The following NTN4 variants were observed in gnomAD, a reference collection of about 807,000 sequenced individuals.
NTN4 encodes netrin 4, also known as netrin-4.
A neutral mutation model predicts 73.6 loss-of-function variants in NTN4; 32 were observed. That is an observed-to-expected ratio of 0.44 (90% CI 0.33 to 0.58). The LOEUF is 0.58. Ranked by LOEUF, NTN4 falls within the 20% of genes least tolerant of loss-of-function variation. NTN4 has a pLI of 0.04. For synonymous variants in NTN4, 258 were observed against 287.5 expected (o/e 0.90, Z 1.04); for missense variants, 654 against 798.3 (o/e 0.82, Z 2.18).
At chr12:95,780,239 G>A (rs1356397308) in intron 2 of NTN4, among the ~76,000 whole-genome samples, 1 of 152,104 alleles carries the variant, frequency 6.6e-6, no homozygotes, top group Non-Finnish European at 1.5e-5. Flanking sequence ...CATAGGCATG[G>A]GAAAGGACTT....
rs1050774949 is a variant in NTN4 at position 95,658,650 on chromosome 12, C to G, written c.*436G>C. The G allele has an allele frequency of 6.5e-6, 1 of 153,576 alleles. No individual in the cohort carries two copies. The allele number at this position is 153,576 out of a possible 1,614,324, so 9.5% of individuals were successfully genotyped here. A position where few individuals can be genotyped will look rare whatever the true frequency, so the allele number is the denominator to read the frequency against. ...CAGACCAAAGTTCATGCGTAACACACAAGAGAAGGCTCTTTAACAAACACC... is the reference window on the plus strand; with the variant it reads ...CAGACCAAAGTTCATGCGTAACACAGAAGAGAAGGCTCTTTAACAAACACC... On this transcript the variant is annotated 3_prime_UTR_variant, in exon 10 of 10. Coordinates refer to ENST00000343702, the MANE Select transcript of NTN4 (RefSeq NM_021229.4).
At chr12:95,715,526 C>G (rs2078599126) in intron 3 of NTN4, among the ~76,000 whole-genome samples, 1 of 152,102 alleles carries the variant, frequency 6.6e-6, no homozygotes, top group African/African-American at 2.4e-5. Context: ...TCATGGCTCT[C>G]TGATATGAAA....
intron 7 of NTN4, among the ~76,000 whole-genome samples, chr12:95,681,752 G>A (rs1489823029): frequency 6.6e-6 from 1 of 152,230 alleles, no homozygotes; most frequent in Non-Finnish European, 1.5e-5. Context: ...AATTGAGTCA[G>A]AGGAAAGAGG....
chr12:95,787,473 G>C lies in NTN4; in HGVS notation c.56-5C>G. The C allele has an allele frequency of 6.2e-7, 1 of 1,612,258 alleles. No homozygotes were observed. The highest frequency in any genetic ancestry group is 1.1e-5 in the South Asian group (1 of 90,778). ...CTCCAGCTACTCCACTCAGTCCTAA[G>C]AAAGGGAAAGCATGCATGATGCAAG... On this transcript the variant is annotated splice_region_variant and splice_polypyrimidine_tract_variant and intron_variant, in intron 1 of 9. Coordinates refer to ENST00000343702, the MANE Select transcript of NTN4 (RefSeq NM_021229.4).
At chr12:95,749,652 C>T (rs918298658) in intron 2 of NTN4, among the ~76,000 whole-genome samples, 3 of 152,226 alleles carry the variant, frequency 2.0e-5, no homozygotes, top group South Asian at 2.1e-4. Flanking sequence ...AGGGACGCCT[C>T]TCTGATTATA....
chr12:95,681,595 T>C (rs1403330207), intron 7 of NTN4, among the ~76,000 whole-genome samples: 1 of 152,208 alleles, frequency 6.6e-6, no homozygotes, highest in Admixed American at 6.5e-5. Flanking sequence ...ACATTTGAGT[T>C]TGTGTTAAGG....
At chr12:95,787,570 T>C (rs2079178942) in intron 1 of NTN4, 102 bp from the exon 2 acceptor site, 2 of 1,162,734 alleles carry the variant, frequency 1.7e-6, no homozygotes, top group Non-Finnish European at 2.4e-6. Flanking sequence ...CCAAAAGCGC[T>C]TGAGACTTTC....
intron 2 of NTN4, among the ~76,000 whole-genome samples, chr12:95,752,127 T>C (rs190343090): frequency 1.4e-3 from 211 of 152,044 alleles, no homozygotes; most frequent in African/African-American, 4.7e-3. Context: ...AAAACCTAAT[T>C]ACCCTTACCC....
intron 2 of NTN4, among the ~76,000 whole-genome samples, chr12:95,773,204 A>G (rs1592716106): frequency 6.6e-6 from 1 of 152,060 alleles, no homozygotes; most frequent in African/African-American, 2.4e-5. Flanking sequence ...GGGTTTCACC[A>G]TGTTGGCCAG....
At chr12:95,782,405 C>T (rs1288182725) in intron 2 of NTN4, among the ~76,000 whole-genome samples, 7 of 151,910 alleles carry the variant, frequency 4.6e-5, no homozygotes, top group Admixed American at 2.0e-4. Flanking sequence ...AAGCAATTCT[C>T]GTGCCTCAGC....
intron 4 of NTN4, among the ~76,000 whole-genome samples, chr12:95,712,787 CTTTTTTTT>C (rs35614636): frequency 7.6e-5 from 8 of 105,714 alleles, no homozygotes; most frequent in Admixed American, 2.2e-4. Context: ...TTCTTTCTTT[CTTTTTTTT>C]TTTTTTTTTT....
At chr12:95,728,832 C>G (rs897291215) in intron 3 of NTN4, among the ~76,000 whole-genome samples, 2 of 152,122 alleles carry the variant, frequency 1.3e-5, no homozygotes, top group Non-Finnish European at 2.9e-5. Context: ...GGCTGTTTCT[C>G]AGGAATGGTT....
intron 5 of NTN4, among the ~76,000 whole-genome samples, chr12:95,687,868 C>G (rs2078373647): frequency 6.6e-6 from 1 of 152,044 alleles, no homozygotes; most frequent in Non-Finnish European, 1.5e-5. Context: ...TGGAATTGAC[C>G]TGGAGGATAT....
At chr12:95,728,514 G>A (rs1213336392) in intron 3 of NTN4, among the ~76,000 whole-genome samples, 1 of 152,150 alleles carries the variant, frequency 6.6e-6, no homozygotes, top group Non-Finnish European at 1.5e-5. Context: ...GTGTTAAGTT[G>A]AATTGAATTA....
rs1369892209 is a variant in NTN4, at chr12:95,757,024, A to G, written c.586-18880T>C. ...ACTTCAAGCACCCGTTATTTCTTCCAGACTTAGAATATACCATGTCTATTT... is the reference window on the plus strand; with the variant it reads ...ACTTCAAGCACCCGTTATTTCTTCCGGACTTAGAATATACCATGTCTATTT... On this transcript the variant is annotated intron_variant, in intron 2 of 9. Transcript: ENST00000343702. Among the ~76,000 whole-genome samples, 4 of 152,158 alleles carry G rather than the reference A, an allele frequency of 2.6e-5. No homozygotes were observed. In the East Asian group the frequency reaches 7.7e-4, roughly 29 times the overall value.
At position 95,682,849 on chromosome 12, in the gene NTN4, C is replaced by T. The variant is rs530778681; in HGVS notation, c.1395-27G>A. 81 of 1,387,758 alleles carry T rather than the reference C, an allele frequency of 5.8e-5. 1 individual carries two copies. In the South Asian group the frequency reaches 8.6e-4, roughly 15 times the overall value. 86.0% of individuals were successfully genotyped at this position (1,387,758 alleles called of 1,614,324 possible). On this transcript the variant is annotated intron_variant, in intron 6 of 9. Coordinates refer to ENST00000343702, the MANE Select transcript of NTN4 (RefSeq NM_021229.4). ...TAACAAAATAGAACATGATAAAGAA[C>T]GTATTCAGGAATTTTTTAGAACTTG...
intron 9 of NTN4, among the ~76,000 whole-genome samples, chr12:95,660,832 G>T (rs1244652333): frequency 5.9e-5 from 9 of 152,080 alleles, no homozygotes; most frequent in Non-Finnish European, 1.3e-4. Flanking sequence ...ATTTTTCACT[G>T]AAATGACTGA....
chr12:95,732,267 TTC>T (rs1187646062), intron 3 of NTN4, among the ~76,000 whole-genome samples: 5 of 151,742 alleles, frequency 3.3e-5, no homozygotes, highest in African/African-American at 4.8e-5. Flanking sequence ...TCTCCTTTCT[TTC>T]TCTCTCTCCC....
At chr12:95,686,062 T>A (rs930409379) in intron 5 of NTN4, among the ~76,000 whole-genome samples, 1 of 151,322 alleles carries the variant, frequency 6.6e-6, no homozygotes, top group Non-Finnish European at 1.5e-5. Flanking sequence ...ATTTGTAATT[T>A]GTTATTTTTT....
Sources: gnomAD v4.1 joint callset for allele counts (sites outside exome capture counted in the v4.1 genomes callset) on GRCh38, gnomAD v4.1.1 for gene constraint, MANE v1.5 for transcripts, NCBI Gene and HGNC (gene_info 2026-07-23, HGNC 2026-07-21) for gene names.